Variants in FN1 observed in about 807,000 individuals in gnomAD.
FN1 encodes fibronectin.
FN1 carries 106 observed loss-of-function variants against 297.3 expected under a neutral mutation model. The ratio of observed to expected loss-of-function variants is 0.36; its 90% CI spans 0.30 to 0.42. The LOEUF (loss-of-function observed/expected upper bound fraction) is 0.42. FN1 is among the 10% of genes least tolerant of loss of function. The pLI, the probability that FN1 is intolerant of heterozygous loss-of-function variation, is 1.00. For synonymous variants in FN1, 1,149 were observed against 1,152.6 expected (o/e 1.00, Z 0.06); for missense variants, 2,690 against 3,124.9 (o/e 0.86, Z 3.32).
At chr2:215,368,344 T>C (rs1260049025) in intron 41 of FN1, among the ~76,000 whole-genome samples, 3 of 152,188 alleles carry the variant, frequency 2.0e-5, no homozygotes, top group East Asian at 1.9e-4. Context: ...TGGAGAACTT[T>C]AGTGGGATGC....
intron 40 of FN1, 135 bp from the exon 41 acceptor site, chr2:215,370,567 A>AAAAAAAAAACAAAAAAC (rs2055780973): frequency 1.3e-6 from 1 of 785,422 alleles, no homozygotes; most frequent in African/African-American, 1.8e-5. Context: ...AAAAAAAAAA[A>AAAAAAAAAACAAAAAAC]AGAGGGAGGG....
Position 215,361,978 on chromosome 2 carries a change from T to A in FN1, c.7353A>T (p.Arg2451Ser). Residue 2451 changes from arginine to serine, a missense_variant, in exon 45 of 46, where the codon AGA becomes AGT. Arg to Ser is a moderately radical substitution (Grantham distance 110). Coordinates refer to ENST00000354785, the MANE Select transcript of FN1 (RefSeq NM_212482.4). The part of the protein sequence containing the change: ...YNQYSQRYHQ[R>S]TNTNVNCPIE... ...CTGCTAATGCACTTACAGTGTTTGTTCTCTGATGGTATCTCTGAGAATACT... is the reference window on the plus strand; with the variant it reads ...CTGCTAATGCACTTACAGTGTTTGTACTCTGATGGTATCTCTGAGAATACT... The A allele has an allele frequency of 6.2e-7, 1 of 1,613,864 alleles. No individual in the cohort carries two copies. Among genetic ancestry groups the A allele is most frequent in the Non-Finnish European group, 8.5e-7 (1 of 1,179,822 alleles).
rs138748290 is a variant in FN1, at chr2:215,390,531, G to C, written c.4252+1101C>G. On this transcript the variant is annotated intron_variant, in intron 26 of 45. Coordinates refer to ENST00000354785, the MANE Select transcript of FN1 (RefSeq NM_212482.4). ...ATAATAATGACTTTGCTAGGAGGGAGAGGGGCTACCCTGAGGTCATCTGTA... is the reference window on the plus strand; with the variant it reads ...ATAATAATGACTTTGCTAGGAGGGACAGGGGCTACCCTGAGGTCATCTGTA... 3.7e-3 allele frequency among the ~76,000 whole-genome samples: 559 copies of C among 152,258 alleles called. 3 individuals carry two copies. The highest frequency in any genetic ancestry group is 0.012 in the African/African-American group (501 of 41,530).
At chr2:215,420,465 G>A (rs1407073774) in intron 11 of FN1, among the ~76,000 whole-genome samples, 2 of 151,944 alleles carry the variant, frequency 1.3e-5, no homozygotes, top group African/African-American at 2.4e-5. Context: ...GCCTAAATTT[G>A]TCACCAAATT....
intron 6 of FN1, among the ~76,000 whole-genome samples, chr2:215,426,868 T>A (rs1170661443): frequency 2.0e-5 from 3 of 152,070 alleles, no homozygotes; most frequent in South Asian, 4.1e-4. Flanking sequence ...TAATTTTTTT[T>A]ATTTTTTATT....
At chr2:215,396,995 A>C in intron 23 of FN1, 142 bp downstream of exon 23, 1 of 753,894 alleles carries the variant, frequency 1.3e-6, no homozygotes, top group South Asian at 1.4e-5. Context: ...CATGATGTAC[A>C]TCATGTACTG....
rs564645723 is a variant in FN1 at position 215,373,402 on chromosome 2, G to A, written c.6167C>T (p.Pro2056Leu). ...VTEATITGLE[P>L]GTEYTIYVIA... The stretch of plus-strand genomic sequence containing the variant: ...GACATAAATTGTATATTCGGTTCCC[G>A]GTTCCAGGCCTGAAGGGAGAATAGA... The change falls in exon 39 of 46, where the codon CCG (proline) becomes CTG (leucine). Residue 2056 changes from proline (P) to leucine (L), a missense_variant. Coordinates refer to ENST00000354785, the MANE Select transcript of FN1 (RefSeq NM_212482.4). 12 of 1,612,392 alleles carry A rather than the reference G, an allele frequency of 7.4e-6. No individual in the cohort carries two copies. The highest frequency in any genetic ancestry group is 3.3e-5 in the Admixed American group (2 of 59,954).
intron 25 of FN1, 55 bp downstream of exon 25, chr2:215,392,876 G>A: frequency 6.3e-7 from 1 of 1,595,266 alleles, no homozygotes; most frequent in East Asian, 2.2e-5. Context: ...CGGAGTAACT[G>A]GTGGCAGCAT....
rs1474254048 is a variant in FN1, at chr2:215,386,975, G to A, written c.4343-17C>T. ...AATCAAGACCTGTTTTTCCCACCCGGGGGAGGAAGAGAAAAAAAAAAGAAA... is the reference window on the plus strand; with the variant it reads ...AATCAAGACCTGTTTTTCCCACCCGAGGGAGGAAGAGAAAAAAAAAAGAAA... On this transcript the variant is annotated splice_polypyrimidine_tract_variant and intron_variant, in intron 27 of 45. Transcript: ENST00000354785. The A allele has an allele frequency of 6.2e-7, 1 of 1,602,762 alleles. No homozygotes were observed. The highest frequency in any genetic ancestry group is 1.1e-5 in the South Asian group (1 of 89,504).
rs199867755 is a variant in FN1 at position 215,372,165 on chromosome 2, G to A, written c.6458C>T (p.Pro2153Leu). ...FEEHGFRRTTPPTTATPIRHR... is the reference protein window; with the variant it reads ...FEEHGFRRTTLPTTATPIRHR... ...CCTTATGGGGGTGGCCGTTGTGGGC[G>A]GTGTGGTCCGCCTAAAACCATGTTC... Residue 2153 changes from proline (P) to leucine (L), a missense_variant, in exon 40 of 46, where the codon CCG becomes CTG. By Grantham distance (98) the Pro-to-Leu change is moderately conservative (BLOSUM62 -3). Coordinates refer to ENST00000354785, the MANE Select transcript of FN1 (RefSeq NM_212482.4). 65 of 1,614,200 alleles carry A rather than the reference G, an allele frequency of 4.0e-5. No individual in the cohort carries two copies. The highest frequency in any genetic ancestry group is 8.9e-5 in the East Asian group (4 of 44,884).
chr2:215,426,143 CTTTTT>C (rs58002948), intron 6 of FN1, among the ~76,000 whole-genome samples: 109 of 101,092 alleles, frequency 1.1e-3, no homozygotes, highest in African/African-American at 3.6e-3. Flanking sequence ...TTTCTTTTTT[CTTTTT>C]TTTTTTTTTT....
At chr2:215,389,100 T>A in intron 26 of FN1, among the ~76,000 whole-genome samples, 1 of 152,156 alleles carries the variant, frequency 6.6e-6, no homozygotes, top group Non-Finnish European at 1.5e-5. Flanking sequence ...CCATTTTTTT[T>A]TATTTTTATT....
intron 28 of FN1, 68 bp downstream of exon 28, chr2:215,386,621 C>T (rs2059048513): frequency 1.1e-6 from 1 of 908,072 alleles, no homozygotes; most frequent in Non-Finnish European, 1.7e-6. Context: ...CAACAGCAAG[C>T]TACTTTACAG....
chr2:215,413,875 C>CT (rs1194721496), intron 13 of FN1, among the ~76,000 whole-genome samples: 19 of 152,220 alleles, frequency 1.2e-4, no homozygotes, highest in African/African-American at 4.1e-4. Flanking sequence ...CCTTGGAACT[C>CT]TGACACATCA....
intron 25 of FN1, 119 bp from the exon 26 acceptor site, chr2:215,391,933 A>C (rs1015853736): frequency 1.2e-6 from 1 of 837,938 alleles, no homozygotes; most frequent in Non-Finnish European, 2.0e-6. Flanking sequence ...ATAATCATGC[A>C]AACAGTCTAA....
At position 215,391,681 on chromosome 2, in the gene FN1, A is replaced by G. The variant is rs1315516813; in HGVS notation, c.4203T>C (p.Asp1401=). The change falls in exon 26 of 46, where the codon GAT becomes GAC. Residue 1401 remains aspartate, a synonymous_variant. Coordinates refer to ENST00000354785, the MANE Select transcript of FN1 (RefSeq NM_212482.4). ...AAGGAGAAATTGACAACTCTGCAAC[A>G]TCTTCCTCATTTTTCACAGGTGAGT... The part of the protein sequence containing the change: ...VRYSPVKNEE[D]VAELSISPSD... The G allele has an allele frequency of 6.2e-7, 1 of 1,614,160 alleles. No homozygotes were observed. Among genetic ancestry groups the G allele is most frequent in the South Asian group, 1.1e-5 (1 of 91,082 alleles).
chr2:215,375,297 A>T lies in FN1; in HGVS notation c.6074T>A (p.Ile2025Asn), dbSNP rs765808203. The T allele has an allele frequency of 3.1e-6, 5 of 1,614,004 alleles. No individual in the cohort carries two copies. The highest frequency in any genetic ancestry group is 4.2e-6 in the Non-Finnish European group (5 of 1,179,998). ...QPPRARITGY[I>N]IKYEKPGSPP... ...AGACCCAGGCTTCTCATACTTGATG[A>T]TGTAGCCGGTAATCCTGGCACGTGG... is the stretch of plus-strand genomic sequence containing the variant. Residue 2025 changes from isoleucine (I) to asparagine (N), a missense_variant, in exon 38 of 46, where the codon ATC (isoleucine) becomes AAC (asparagine). Ile to Asn is a moderately radical substitution (Grantham distance 149). Around this residue, in one of 3 missense-constraint regions of FN1, gnomAD observed 1,743 missense variants for 1,945.2 expected, o/e 0.90. Coordinates refer to ENST00000354785, the MANE Select transcript of FN1 (RefSeq NM_212482.4).
chr2:215,410,759 G>A (rs1575653291), intron 13 of FN1, among the ~76,000 whole-genome samples: 1 of 151,966 alleles, frequency 6.6e-6, no homozygotes, highest in Non-Finnish European at 1.5e-5. Flanking sequence ...CACCCGCCTC[G>A]GACTCCCAAA....
chr2:215,378,782 A>C (rs1184643227), intron 34 of FN1, among the ~76,000 whole-genome samples: 1 of 152,164 alleles, frequency 6.6e-6, no homozygotes, highest in East Asian at 1.9e-4. Flanking sequence ...ACAAACTGTA[A>C]AATATTCTTT....
Sources: gnomAD v4.1 joint callset for allele counts (sites outside exome capture counted in the v4.1 genomes callset) on GRCh38, gnomAD v4.1.1 for gene constraint, gnomAD v4.1.1 regional missense constraint, MANE v1.5 for transcripts, NCBI Gene and HGNC (gene_info 2026-07-23, HGNC 2026-07-21) for gene names.